The following AOPEP variants were observed in gnomAD, a reference collection of about 807,000 sequenced individuals.
The protein encoded by AOPEP is aminopeptidase O.
AOPEP carries 77 observed loss-of-function variants against 98.1 expected under a neutral mutation model. The observed-to-expected ratio is 0.78, with a 90% CI of 0.65 to 0.95. The LOEUF (loss-of-function observed/expected upper bound fraction) is 0.95. Ranked by LOEUF, AOPEP falls within the 40% of genes least tolerant of loss-of-function variation. The probability of loss-of-function intolerance (pLI) is 0.00; values close to 1 mark genes in which losing one functional copy is unlikely to be tolerated. For missense variants in AOPEP, 1,024 were observed against 1,024.7 expected, an observed-to-expected ratio of 1.00 and a Z score of 0.01; for synonymous variants, 346 against 365.3, an observed-to-expected ratio of 0.95 and a Z score of 0.60.
the AOPEP span, chr9:95,123,259 A>C: frequency 3.8e-6 from 1 of 265,824 alleles, no homozygotes; most frequent in African/African-American, 2.3e-5. Flanking sequence ...AGCCATGATC[A>C]TACCACTGCA....
chr9:94,913,753 A>G (rs1363219645), intron 5 of AOPEP, among the ~76,000 whole-genome samples: 2 of 152,244 alleles, frequency 1.3e-5, no homozygotes, highest in African/African-American at 4.8e-5. Context: ...AGGGAGAACA[A>G]TCAGTGAATT....
chr9:94,819,755 T>G (rs1398714358), intron 5 of AOPEP, among the ~76,000 whole-genome samples: 1 of 151,226 alleles, frequency 6.6e-6, no homozygotes, highest in Non-Finnish European at 1.5e-5. Context: ...TTTTTTTTCA[T>G]AGAGACGGGG....
chr9:94,880,224 T>C (rs934528293), intron 5 of AOPEP, among the ~76,000 whole-genome samples: 11 of 152,228 alleles, frequency 7.2e-5, no homozygotes, highest in African/African-American at 2.7e-4. Context: ...TCTGTGATGA[T>C]AACAGTGTTA....
chr9:95,084,687 A>C (rs967724330), intron 16 of AOPEP, among the ~76,000 whole-genome samples: 1 of 152,094 alleles, frequency 6.6e-6, no homozygotes, highest in African/African-American at 2.4e-5. Flanking sequence ...CAGGCAAAGG[A>C]GTCATCTTGG....
At chr9:94,983,961 A>G (rs2060354387) in intron 11 of AOPEP, among the ~76,000 whole-genome samples, 1 of 150,132 alleles carries the variant, frequency 6.7e-6, no homozygotes, top group Non-Finnish European at 1.5e-5. Flanking sequence ...GATGCTCAGG[A>G]GCTCACCGTC....
intron 1 of AOPEP, among the ~76,000 whole-genome samples, chr9:94,743,319 A>G (rs941146229): frequency 2.0e-5 from 3 of 152,144 alleles, no homozygotes; most frequent in African/African-American, 7.2e-5. Context: ...GGTGGTGGAA[A>G]GTTAGTGGTA....
the AOPEP span, chr9:95,113,685 C>T: frequency 6.6e-6 from 1 of 151,348 alleles, no homozygotes. Flanking sequence ...TGCAGTGGCA[C>T]GATCTTGGCT....
At chr9:95,073,928 A>G (rs755415162) in intron 14 of AOPEP, among the ~76,000 whole-genome samples, 4 of 152,208 alleles carry the variant, frequency 2.6e-5, no homozygotes, top group Non-Finnish European at 4.4e-5. Context: ...TTGGGAAATA[A>G]CACTTTGATT....
At chr9:94,798,878 T>A (rs1360792013) in intron 4 of AOPEP, among the ~76,000 whole-genome samples, 1 of 152,220 alleles carries the variant, frequency 6.6e-6, no homozygotes, top group Non-Finnish European at 1.5e-5. Flanking sequence ...GCCTTTTTAG[T>A]TAAATGTTCA....
chr9:94,895,219 TAAAAAAA>T (rs907258167), intron 5 of AOPEP, among the ~76,000 whole-genome samples: 3 of 60,644 alleles, frequency 4.9e-5, no homozygotes, highest in South Asian at 7.0e-4. Flanking sequence ...TCATCTCTAC[TAAAAAAA>T]AATAAAATAA....
chr9:95,005,761 T>C (rs2061964374), intron 13 of AOPEP, 145 bp downstream of exon 13: 1 of 672,574 alleles, frequency 1.5e-6, no homozygotes, highest in East Asian at 2.7e-5. Flanking sequence ...GGGGAAATTC[T>C]ACAGAAATAT....
the AOPEP span, among the ~76,000 whole-genome samples, chr9:95,137,996 G>A: frequency 1.3e-5 from 2 of 152,368 alleles, no homozygotes; most frequent in East Asian, 3.9e-4. Flanking sequence ...CCAGAGGTGG[G>A]GCCTAGTGTG....
intron 5 of AOPEP, among the ~76,000 whole-genome samples, chr9:94,834,835 TACATACATACATACATACAA>T (rs1171418886): frequency 5.3e-5 from 8 of 152,152 alleles, no homozygotes; most frequent in African/African-American, 1.4e-4. Flanking sequence ...CATACATACA[TACATACATACATACATACAA>T]ACAATAAAAC....
the AOPEP span, chr9:95,101,660 G>A: frequency 4.3e-6 from 7 of 1,610,164 alleles, no homozygotes; most frequent in African/African-American, 4.0e-5. Flanking sequence ...TGTGGCCCTG[G>A]CGAGCCTGAT....
At chr9:94,889,712 C>T (rs768085278) in intron 5 of AOPEP, among the ~76,000 whole-genome samples, 8 of 152,200 alleles carry the variant, frequency 5.3e-5, no homozygotes, top group Non-Finnish European at 1.2e-4. Flanking sequence ...ATACCCAAGA[C>T]AGTTCAATTG....
intron 13 of AOPEP, among the ~76,000 whole-genome samples, chr9:95,006,559 C>T (rs992791600): frequency 5.9e-5 from 9 of 152,100 alleles, no homozygotes; most frequent in Non-Finnish European, 2.9e-5. Flanking sequence ...CGTCAGGATA[C>T]CAGAGGGCAG....
At chr9:94,808,458 G>A (rs772081734) in intron 5 of AOPEP, among the ~76,000 whole-genome samples, 10 of 152,226 alleles carry the variant, frequency 6.6e-5, no homozygotes, top group Non-Finnish European at 1.5e-4. Flanking sequence ...CCAAGTGGGA[G>A]TTGAGGTACA....
At chr9:95,051,484 ATCTT>A (rs1346927290) in intron 13 of AOPEP, among the ~76,000 whole-genome samples, 1 of 152,064 alleles carries the variant, frequency 6.6e-6, no homozygotes, top group African/African-American at 2.4e-5. Flanking sequence ...AAAGGGAGAG[ATCTT>A]TCTAAGACAT....
chr9:95,047,463 C>A (rs116174742), intron 13 of AOPEP, among the ~76,000 whole-genome samples: 1 of 152,142 alleles, frequency 6.6e-6, no homozygotes, highest in East Asian at 1.9e-4. Flanking sequence ...TAATTTTTCT[C>A]ATCTACAACA....
Sources: allele counts gnomAD v4.1 joint callset (sites outside exome capture counted in the v4.1 genomes callset), GRCh38; gene constraint gnomAD v4.1.1; transcripts MANE v1.5; gene names NCBI Gene and HGNC (gene_info 2026-07-23, HGNC 2026-07-21).